Variants in PCSK5 observed in about 807,000 individuals in gnomAD.
The protein encoded by PCSK5 is proprotein convertase subtilisin/kexin type 5, also known as prohormone convertase 5.
A neutral mutation model predicts 233.2 loss-of-function variants in PCSK5; 129 were observed. That is an observed-to-expected ratio of 0.55 (90% CI 0.48 to 0.64). PCSK5 has a LOEUF of 0.64. Ranked by LOEUF, PCSK5 falls within the 30% of genes least tolerant of loss-of-function variation. PCSK5 has a pLI of 0.00. For missense variants in PCSK5, 2,076 were observed against 2,430.1 expected (o/e 0.85, Z 3.06); for synonymous variants, 825 against 879.2 (o/e 0.94, Z 1.09).
intron 9 of PCSK5, among the ~76,000 whole-genome samples, chr9:76,117,608 T>C (rs1832479671): frequency 6.6e-6 from 1 of 152,146 alleles, no homozygotes; most frequent in South Asian, 2.1e-4. Flanking sequence ...CAAGCCTTAA[T>C]AGAAGGCCAA....
intron 8 of PCSK5, among the ~76,000 whole-genome samples, chr9:76,099,260 G>C (rs1564025490): frequency 2.0e-5 from 3 of 152,270 alleles, no homozygotes; most frequent in South Asian, 4.1e-4. Flanking sequence ...TAGCTTCAGA[G>C]AGACCACTCA....
intron 2 of PCSK5, among the ~76,000 whole-genome samples, chr9:75,938,015 C>T (rs1408075569): frequency 6.6e-6 from 1 of 152,206 alleles, no homozygotes; most frequent in Non-Finnish European, 1.5e-5. Context: ...AAGGCTGTTT[C>T]TCTTTCTTAT....
At chr9:76,252,453 T>C (rs553498851) in intron 24 of PCSK5, among the ~76,000 whole-genome samples, 1 of 152,322 alleles carries the variant, frequency 6.6e-6, no homozygotes, top group Non-Finnish European at 1.5e-5. Context: ...CAAATTAATT[T>C]GGGTTCACTG....
At chr9:76,205,102 CT>C in intron 20 of PCSK5, 1 of 518,872 alleles carries the variant, frequency 1.9e-6, no homozygotes, top group South Asian at 1.4e-5. Flanking sequence ...TCTGTCATTT[CT>C]TTAGGTTTGC....
chr9:75,996,873 A>G (rs1827045071), intron 3 of PCSK5, among the ~76,000 whole-genome samples: 1 of 147,006 alleles, frequency 6.8e-6, no homozygotes, highest in African/African-American at 2.5e-5. Flanking sequence ...TTAGTAACTC[A>G]TTCTCTTTTG....
At chr9:75,893,067 A>G (rs1013732663) in intron 1 of PCSK5, among the ~76,000 whole-genome samples, 5 of 152,144 alleles carry the variant, frequency 3.3e-5, no homozygotes, top group African/African-American at 7.2e-5. Flanking sequence ...GGCACTGCCT[A>G]TGCCCTGGGA....
chr9:76,220,252 C>T (rs1001886459), intron 20 of PCSK5, among the ~76,000 whole-genome samples: 5 of 152,146 alleles, frequency 3.3e-5, no homozygotes, highest in Non-Finnish European at 5.9e-5. Context: ...CAGGGCTGGG[C>T]ATGGTGGCTC....
Position 75,995,744 on chromosome 9 carries a change from TACACACACACAC to T in PCSK5, c.411+9526_411+9537del, listed in dbSNP as rs35132294. On this transcript the variant is annotated intron_variant, in intron 3 of 37. Transcript: ENST00000674117. The stretch of plus-strand genomic sequence containing the variant: ...TGATACTTTTAACAGGATTCATTCA[TACACACACACAC>T]ACACACACACACACACACACACACA... Among the ~76,000 whole-genome samples, 404 of 146,040 alleles carry T rather than the reference TACACACACACAC, an allele frequency of 2.8e-3. 1 individual carries two copies. Among genetic ancestry groups the T allele is most frequent in the African/African-American group, 5.3e-3 (210 of 39,332 alleles).
chr9:76,077,595 C>T (rs1830686296), intron 7 of PCSK5, among the ~76,000 whole-genome samples: 1 of 152,086 alleles, frequency 6.6e-6, no homozygotes, highest in South Asian at 2.1e-4. Context: ...TCTGTTGTTC[C>T]CATCATTATG....
At chr9:76,027,307 T>C (rs773113192) in intron 5 of PCSK5, among the ~76,000 whole-genome samples, 18 of 152,022 alleles carry the variant, frequency 1.2e-4, no homozygotes, top group Non-Finnish European at 2.1e-4. Flanking sequence ...CACGTGGTAA[T>C]TGCCCTGTGA....
At chr9:76,258,767 T>G (rs1298878829) in intron 24 of PCSK5, among the ~76,000 whole-genome samples, 1 of 152,238 alleles carries the variant, frequency 6.6e-6, no homozygotes, top group African/African-American at 2.4e-5. Flanking sequence ...AATGGGAAGT[T>G]TGACCTACTG....
intron 20 of PCSK5, among the ~76,000 whole-genome samples, chr9:76,221,943 A>G (rs1389538135): frequency 6.6e-6 from 1 of 152,190 alleles, no homozygotes; most frequent in Non-Finnish European, 1.5e-5. Flanking sequence ...AAAACAGAAT[A>G]TGCAGGAAGG....
At chr9:76,258,107 A>T (rs1827042401) in intron 24 of PCSK5, among the ~76,000 whole-genome samples, 2 of 152,114 alleles carry the variant, frequency 1.3e-5, no homozygotes, top group African/African-American at 4.8e-5. Flanking sequence ...ACTCAATCAG[A>T]TCACCAGGGC....
intron 1 of PCSK5, among the ~76,000 whole-genome samples, chr9:75,910,008 G>A (rs1822654936): frequency 6.6e-6 from 1 of 152,194 alleles, no homozygotes; most frequent in Non-Finnish European, 1.5e-5. Flanking sequence ...TGCTTCATTA[G>A]TCTGAGTCCT....
intron 24 of PCSK5, among the ~76,000 whole-genome samples, chr9:76,256,243 G>C (rs1012719901): frequency 7.9e-5 from 12 of 152,156 alleles, no homozygotes; most frequent in African/African-American, 2.4e-4. Context: ...TCATCATCTT[G>C]GCTCTTCATG....
intron 7 of PCSK5, among the ~76,000 whole-genome samples, chr9:76,088,995 C>T (rs968719861): frequency 4.7e-5 from 7 of 147,396 alleles, no homozygotes; most frequent in African/African-American, 7.5e-5. Flanking sequence ...TTTCAATGAA[C>T]GCTGTTCTAT....
chr9:76,268,584 C>A (rs1051817788), intron 24 of PCSK5, among the ~76,000 whole-genome samples: 3 of 152,176 alleles, frequency 2.0e-5, no homozygotes, highest in East Asian at 1.9e-4. Context: ...TGGCTCATGC[C>A]TATAATCCCA....
At chr9:76,170,479 TATAAA>T (rs574839084) in intron 13 of PCSK5, among the ~76,000 whole-genome samples, 4 of 152,212 alleles carry the variant, frequency 2.6e-5, no homozygotes, top group Non-Finnish European at 5.9e-5. Context: ...TTGTTTATAA[TATAAA>T]ATAAGGGAAA....
At chr9:75,916,776 T>A (rs186433065) in intron 1 of PCSK5, among the ~76,000 whole-genome samples, 69 of 151,774 alleles carry the variant, frequency 4.5e-4, no homozygotes, top group Admixed American at 1.7e-3. Flanking sequence ...AATAAAGGCA[T>A]TTTTTATCTT....
Sources: gnomAD v4.1 joint callset for allele counts (sites outside exome capture counted in the v4.1 genomes callset) on GRCh38, gnomAD v4.1.1 for gene constraint, MANE v1.5 for transcripts, NCBI Gene and HGNC (gene_info 2026-07-23, HGNC 2026-07-21) for gene names.